Variants in SOS1 observed in about 807,000 individuals in gnomAD.
SOS1 encodes the protein son of sevenless homolog 1.
Under a neutral mutation model 157.6 loss-of-function variants are expected in SOS1, and 25 were observed. That is an observed-to-expected ratio of 0.16 (90% CI 0.12 to 0.22). The LOEUF (loss-of-function observed/expected upper bound fraction) is 0.22. Among genes scored for constraint, SOS1 ranks in the 10% least tolerant of loss-of-function variants. The pLI, the probability that SOS1 is intolerant of heterozygous loss-of-function variation, is 1.00. For missense variants in SOS1, 1,237 were observed against 1,599.1 expected (o/e 0.77, Z 3.86); for synonymous variants, 528 against 534.0 (o/e 0.99, Z 0.16).
chr2:39,099,850 T>C (rs536379496), intron 1 of SOS1, among the ~76,000 whole-genome samples: 1 of 152,284 alleles, frequency 6.6e-6, no homozygotes, highest in East Asian at 1.9e-4. Flanking sequence ...GTGATGCTCC[T>C]GCCTCAGCCT....
At chr2:39,112,232 C>A (rs554253877) in intron 1 of SOS1, among the ~76,000 whole-genome samples, 1 of 152,170 alleles carries the variant, frequency 6.6e-6, no homozygotes, top group African/African-American at 2.4e-5. Flanking sequence ...TCCCGGCTTA[C>A]CTGAACAGAT....
At chr2:39,021,680 A>C (rs1290271774) in intron 10 of SOS1, among the ~76,000 whole-genome samples, 5 of 151,710 alleles carry the variant, frequency 3.3e-5, no homozygotes, top group Admixed American at 6.6e-5. Flanking sequence ...TAAAAATTCT[A>C]TGAGTCCTCT....
At chr2:39,013,281 G>A (rs921859488) in intron 13 of SOS1, among the ~76,000 whole-genome samples, 179 bp downstream of exon 13, 3 of 152,082 alleles carry the variant, frequency 2.0e-5, no homozygotes, top group Non-Finnish European at 4.4e-5. Context: ...TCAACAGGGT[G>A]ACTTGAGCCA....
chr2:39,066,125 G>A lies in SOS1; in HGVS notation c.213+1503C>T, dbSNP rs549009319. ...AGAAGGACAAGGCCTGAGGTTGCTA[G>A]AGATTACTTCCTACCCAATCACACA... On this transcript the variant is annotated intron_variant, in intron 2 of 22. Transcript: ENST00000402219. 1.3e-5 allele frequency among the ~76,000 whole-genome samples: 2 copies of A among 152,156 alleles called. 1 individual carries two copies. Among genetic ancestry groups the A allele is most frequent in the Admixed American group, 1.3e-4 (2 of 15,278 alleles).
At chr2:39,113,117 T>G (rs1673501865) in intron 1 of SOS1, among the ~76,000 whole-genome samples, 1 of 152,126 alleles carries the variant, frequency 6.6e-6, no homozygotes, top group South Asian at 2.1e-4. Context: ...AAACCCATCT[T>G]TATCACTTTC....
intron 6 of SOS1, among the ~76,000 whole-genome samples, chr2:39,039,054 C>T (rs1457108514): frequency 6.6e-6 from 1 of 152,122 alleles, no homozygotes; most frequent in African/African-American, 2.4e-5. Context: ...GACCCTTCAC[C>T]AGCAAAAAGA....
intron 17 of SOS1, among the ~76,000 whole-genome samples, chr2:39,000,856 GAA>G (rs1382068914): frequency 6.6e-6 from 1 of 152,226 alleles, no homozygotes. Flanking sequence ...TTTCAAAATA[GAA>G]GAGAGACATT....
At chr2:39,029,724 C>T (rs1201962053) in intron 8 of SOS1, among the ~76,000 whole-genome samples, 1 of 152,134 alleles carries the variant, frequency 6.6e-6, no homozygotes, top group Non-Finnish European at 1.5e-5. Flanking sequence ...TTTACAATGG[C>T]TCCTGTGGTA....
At chr2:39,091,706 C>T (rs915283967) in intron 1 of SOS1, among the ~76,000 whole-genome samples, 6 of 152,178 alleles carry the variant, frequency 3.9e-5, no homozygotes, top group African/African-American at 1.4e-4. Flanking sequence ...TATACCAGCC[C>T]CCCAGGCTTC....
At chr2:39,108,752 G>C (rs1191481598) in intron 1 of SOS1, among the ~76,000 whole-genome samples, 1 of 152,092 alleles carries the variant, frequency 6.6e-6, no homozygotes, top group East Asian at 1.9e-4. Context: ...AATTAGCCAG[G>C]AGTGGTGGTA....
At chr2:39,053,244 A>C (rs922664421) in intron 5 of SOS1, among the ~76,000 whole-genome samples, 1 of 152,206 alleles carries the variant, frequency 6.6e-6, no homozygotes, top group Non-Finnish European at 1.5e-5. Flanking sequence ...TATTCCCACA[A>C]GTAGTTGCTC....
intron 16 of SOS1, among the ~76,000 whole-genome samples, 192 bp from the exon 17 acceptor site, chr2:39,006,721 TGAGA>T (rs1445626020): frequency 6.6e-6 from 1 of 152,136 alleles, no homozygotes; most frequent in African/African-American, 2.4e-5. Context: ...TGTGTGTGTG[TGAGA>T]GAGATCTAGT....
At chr2:38,991,924 C>A (rs1274365276) in intron 20 of SOS1, among the ~76,000 whole-genome samples, 1 of 151,646 alleles carries the variant, frequency 6.6e-6, no homozygotes, top group African/African-American at 2.4e-5. Flanking sequence ...GGGAAAAAAC[C>A]GTAAGAGTAA....
chr2:39,099,269 G>A (rs760642001), intron 1 of SOS1, among the ~76,000 whole-genome samples: 1 of 152,172 alleles, frequency 6.6e-6, no homozygotes, highest in Non-Finnish European at 1.5e-5. Context: ...CTATTTAGTC[G>A]TAGAAATGAA....
intron 1 of SOS1, among the ~76,000 whole-genome samples, chr2:39,113,724 T>A (rs1291910329): frequency 6.6e-6 from 1 of 152,078 alleles, no homozygotes; most frequent in Non-Finnish European, 1.5e-5. Flanking sequence ...TCAAGGCAAA[T>A]CCCATTGCTT....
intron 1 of SOS1, among the ~76,000 whole-genome samples, chr2:39,097,548 CTCT>C (rs1413478730): frequency 2.7e-5 from 4 of 149,964 alleles, no homozygotes; most frequent in Non-Finnish European, 5.9e-5. Context: ...AGCACAAGAC[CTCT>C]TTTTTTTCTT....
At chr2:39,090,840 T>C (rs888706193) in intron 1 of SOS1, among the ~76,000 whole-genome samples, 3 of 152,096 alleles carry the variant, frequency 2.0e-5, no homozygotes, top group African/African-American at 4.8e-5. Flanking sequence ...TCAGTAGTTC[T>C]TGGGTAGAAC....
At chr2:39,106,194 CA>C (rs1673172188) in intron 1 of SOS1, among the ~76,000 whole-genome samples, 1 of 151,606 alleles carries the variant, frequency 6.6e-6, no homozygotes, top group Non-Finnish European at 1.5e-5. Context: ...TACACACACA[CA>C]CACACACACA....
At chr2:38,996,049 T>G (rs1164669308) in intron 19 of SOS1, among the ~76,000 whole-genome samples, 1 of 152,204 alleles carries the variant, frequency 6.6e-6, no homozygotes, top group Non-Finnish European at 1.5e-5. Context: ...TGATTTATCT[T>G]GGTCACTTAG....
Sources: gnomAD v4.1 joint callset for allele counts (sites outside exome capture counted in the v4.1 genomes callset) on GRCh38, gnomAD v4.1.1 for gene constraint, MANE v1.5 for transcripts, NCBI Gene and HGNC (gene_info 2026-07-23, HGNC 2026-07-21) for gene names.